Variants in CSMD1 observed in about 807,000 individuals in gnomAD.
CSMD1 encodes CUB and Sushi multiple domains 1, also known as CUB and sushi domain-containing protein 1.
A neutral mutation model predicts 417.5 loss-of-function variants in CSMD1; 213 were observed. The ratio of observed to expected loss-of-function variants is 0.51; its 90% CI spans 0.46 to 0.57. CSMD1 has a LOEUF of 0.57. CSMD1 is among the 20% of genes least tolerant of loss of function. The pLI is 0.00. For missense variants in CSMD1, 6,923 were observed against 4,529.7 expected, an observed-to-expected ratio of 1.53 and a Z score of -15.17; for synonymous variants, 2,862 against 1,736.8, an observed-to-expected ratio of 1.65 and a Z score of -16.11.
intron 9 of CSMD1, among the ~76,000 whole-genome samples, chr8:3,578,114 C>G (rs1043488044): frequency 6.6e-6 from 1 of 152,246 alleles, no homozygotes. Context: ...AGTCCTCCAT[C>G]TAGCACACCC....
chr8:3,109,593 C>T (rs1415542380), intron 43 of CSMD1, among the ~76,000 whole-genome samples: 1 of 152,138 alleles, frequency 6.6e-6, no homozygotes, highest in Admixed American at 6.6e-5. Context: ...GGAGCTCTGC[C>T]TGTCAGAGCC....
intron 3 of CSMD1, among the ~76,000 whole-genome samples, chr8:4,309,004 G>A (rs1412493673): frequency 6.6e-6 from 1 of 152,120 alleles, no homozygotes; most frequent in Non-Finnish European, 1.5e-5. Context: ...AACTAGGTGA[G>A]AAAATGCATA....
At chr8:4,335,283 T>C (rs1231713752) in intron 3 of CSMD1, among the ~76,000 whole-genome samples, 1 of 152,096 alleles carries the variant, frequency 6.6e-6, no homozygotes, top group Non-Finnish European at 1.5e-5. Context: ...AAATGCCCTA[T>C]GTCCTACTAC....
At chr8:3,832,004 A>C (rs1311740256) in intron 5 of CSMD1, among the ~76,000 whole-genome samples, 2 of 152,098 alleles carry the variant, frequency 1.3e-5, no homozygotes, top group Admixed American at 6.6e-5. Context: ...TTTTTTGGTA[A>C]ATTTTTAAAA....
chr8:4,207,713 T>A (rs1469743947), intron 3 of CSMD1, among the ~76,000 whole-genome samples: 2 of 152,076 alleles, frequency 1.3e-5, no homozygotes, highest in Non-Finnish European at 2.9e-5. Flanking sequence ...TTCTGATGAG[T>A]GTATTAATAG....
At chr8:3,300,521 G>A (rs550557316) in intron 25 of CSMD1, among the ~76,000 whole-genome samples, 1 of 152,094 alleles carries the variant, frequency 6.6e-6, no homozygotes, top group Non-Finnish European at 1.5e-5. Flanking sequence ...TTTATAGAAA[G>A]ACTTGTACTA....
intron 3 of CSMD1, among the ~76,000 whole-genome samples, chr8:4,300,162 C>G (rs1563413913): frequency 6.6e-6 from 1 of 152,130 alleles, no homozygotes; most frequent in South Asian, 2.1e-4. Flanking sequence ...ATAAAAACAA[C>G]AACAAAACAG....
intron 2 of CSMD1, among the ~76,000 whole-genome samples, chr8:4,517,139 A>G (rs1041302220): frequency 6.6e-6 from 1 of 152,228 alleles, no homozygotes; most frequent in Non-Finnish European, 1.5e-5. Flanking sequence ...AAAGGAAAAC[A>G]TGATTATAAG....
intron 1 of CSMD1, among the ~76,000 whole-genome samples, chr8:4,943,506 AATG>A (rs1310439722): frequency 4.6e-5 from 1 of 21,778 alleles, no homozygotes; most frequent in Non-Finnish European, 1.2e-4. Context: ...AAAAAAATAA[AATG>A]AAATAAAATA....
At chr8:4,223,764 G>T (rs559903948) in intron 3 of CSMD1, among the ~76,000 whole-genome samples, 2 of 152,300 alleles carry the variant, frequency 1.3e-5, no homozygotes, top group South Asian at 2.1e-4. Context: ...TCTAGCAAAG[G>T]TGACCTAGTC....
Position 3,396,336 on chromosome 8 carries a change from C to A in CSMD1, c.2451G>T (p.Gly817=). 1 of 1,606,118 alleles carries A rather than the reference C, an allele frequency of 6.2e-7. No homozygotes were observed. The change falls in exon 17 of 70, where the codon GGG becomes GGT. Residue 817 remains glycine (G), a synonymous_variant. Coordinates refer to ENST00000635120, the MANE Select transcript of CSMD1 (RefSeq NM_033225.6). The stretch of plus-strand genomic sequence containing the variant: ...CGATCAGTGGGGACGAACTGGCTGG[C>A]CCATCTCTGACCTCCAAGGTGTCAT... ...VNYDTLEVRD[G]PASSSPLIGE...
intron 10 of CSMD1, among the ~76,000 whole-genome samples, chr8:3,509,266 G>C (rs1396049979): frequency 6.6e-6 from 1 of 152,172 alleles, no homozygotes; most frequent in African/African-American, 2.4e-5. Flanking sequence ...GGAGATTAAA[G>C]CATGGACAAT....
intron 2 of CSMD1, among the ~76,000 whole-genome samples, chr8:4,539,076 T>C (rs1193509245): frequency 6.6e-6 from 1 of 152,212 alleles, no homozygotes; most frequent in Non-Finnish European, 1.5e-5. Flanking sequence ...GTGGCTTTTG[T>C]TTTTCTTTTT....
At chr8:3,935,898 G>C (rs143407039) in intron 5 of CSMD1, among the ~76,000 whole-genome samples, 160 of 152,266 alleles carry the variant, frequency 1.1e-3, no homozygotes, top group African/African-American at 3.5e-3. Flanking sequence ...TTAAAGATGA[G>C]ACAGGCTGAA....
At chr8:4,086,609 A>G (rs1014756943) in intron 3 of CSMD1, among the ~76,000 whole-genome samples, 1 of 152,190 alleles carries the variant, frequency 6.6e-6, no homozygotes, top group South Asian at 2.1e-4. Context: ...TGAATAAAGT[A>G]CAATGCAGAC....
chr8:4,528,413 C>T (rs1051636411), intron 2 of CSMD1, among the ~76,000 whole-genome samples: 4 of 152,148 alleles, frequency 2.6e-5, no homozygotes, highest in Non-Finnish European at 2.9e-5. Flanking sequence ...ATATGCAAAA[C>T]ACATGTGGAC....
chr8:2,953,843 G>A (rs1196942070), intron 65 of CSMD1, among the ~76,000 whole-genome samples: 1 of 152,242 alleles, frequency 6.6e-6, no homozygotes, highest in Non-Finnish European at 1.5e-5. Flanking sequence ...CTTATGCTGT[G>A]AAAATGCCTC....
intron 2 of CSMD1, among the ~76,000 whole-genome samples, chr8:4,441,016 TATTA>T (rs533135946): frequency 1.1e-3 from 157 of 147,684 alleles, no homozygotes; most frequent in African/African-American, 3.6e-3. Flanking sequence ...AAATTAAAAA[TATTA>T]ATGAAAATAT....
At chr8:4,228,176 C>G (rs181566766) in intron 3 of CSMD1, among the ~76,000 whole-genome samples, 67 of 152,320 alleles carry the variant, frequency 4.4e-4, no homozygotes, top group African/African-American at 1.5e-3. Flanking sequence ...CCCCCTCCAC[C>G]CTGCATGCAA....
Sources: gnomAD v4.1 joint callset for allele counts (sites outside exome capture counted in the v4.1 genomes callset) on GRCh38, gnomAD v4.1.1 for gene constraint, MANE v1.5 for transcripts, NCBI Gene and HGNC (gene_info 2026-07-23, HGNC 2026-07-21) for gene names.